The following NR5A2 variants were observed in gnomAD, a reference collection of about 807,000 sequenced individuals.
NR5A2 encodes nuclear receptor subfamily 5 group A member 2.
NR5A2 carries 26 observed loss-of-function variants against 62.7 expected under a neutral mutation model. The observed-to-expected ratio is 0.41, with a 90% CI of 0.30 to 0.58. NR5A2 has a LOEUF of 0.58. NR5A2 is among the 20% of genes least tolerant of loss of function. The pLI is 0.22. For missense variants in NR5A2, 541 were observed against 669.1 expected, an observed-to-expected ratio of 0.81 and a Z score of 2.11; for synonymous variants, 246 against 241.7, an observed-to-expected ratio of 1.02 and a Z score of -0.16.
chr1:200,034,966 G>A (rs1273019387), intron 1 of NR5A2, among the ~76,000 whole-genome samples: 1 of 152,026 alleles, frequency 6.6e-6, no homozygotes, highest in East Asian at 1.9e-4. Context: ...GAGCCTACGG[G>A]CGTGGGCGGG....
intron 5 of NR5A2, among the ~76,000 whole-genome samples, chr1:200,062,227 T>TTG (rs6143563): frequency 0.42 from 60,631 of 145,648 alleles, 14,377 homozygotes; most frequent in East Asian, 0.63. Context: ...CTGGCAGATT[T>TTG]TGTGTGTGTG....
At chr1:200,162,780 C>CAGGTAGAT (rs1447043040) in intron 7 of NR5A2, among the ~76,000 whole-genome samples, 2 of 152,098 alleles carry the variant, frequency 1.3e-5, no homozygotes, top group African/African-American at 4.8e-5. Flanking sequence ...CTTGAAATCC[C>CAGGTAGAT]AGGTAGATAT....
At chr1:200,106,274 G>T (rs1665661472) in intron 5 of NR5A2, among the ~76,000 whole-genome samples, 1 of 152,044 alleles carries the variant, frequency 6.6e-6, no homozygotes, top group South Asian at 2.1e-4. Context: ...GGCCAGGCTG[G>T]TCTCGAACTC....
rs3838437 is a variant in NR5A2, at chr1:200,130,610, TA to T, written c.1378+9657del. ...AAATTTATGCTTATTAATTCTGAAA[TA>T]AGCATTATAGTCTAAACATCATAAA... On this transcript the variant is annotated intron_variant, in intron 7 of 7. Coordinates refer to ENST00000367362, the MANE Select transcript of NR5A2 (RefSeq NM_205860.3). 6.4e-4 allele frequency among the ~76,000 whole-genome samples: 98 copies of T among 152,370 alleles called. No homozygotes were observed. The East Asian group carries it at 0.018, about 29-fold the overall frequency.
Position 200,039,016 on chromosome 1 carries a change from CT to C in NR5A2, c.65-641del, listed in dbSNP as rs1189169677. Among the ~76,000 whole-genome samples, 5 of 152,040 alleles carry C rather than the reference CT, an allele frequency of 3.3e-5. No homozygotes were observed. In the East Asian group the frequency reaches 7.8e-4, roughly 24 times the overall value. On this transcript the variant is annotated intron_variant, in intron 1 of 7. Transcript: ENST00000367362. The surrounding 1 kb of genome is among the most constrained non-coding windows in gnomAD (Gnocchi z 5.1). ...CTCCTTCTCCCCCTCGTCTTCCCCC[CT>C]GTCCTTCCCAGCACCGTCACCCTCG... is the stretch of plus-strand genomic sequence containing the variant.
chr1:200,164,638 C>T (rs1653808567), intron 7 of NR5A2, among the ~76,000 whole-genome samples: 1 of 150,938 alleles, frequency 6.6e-6, no homozygotes, highest in Non-Finnish European at 1.5e-5. Context: ...ACCTCCACCT[C>T]GTGGGTTCAA....
chr1:200,081,932 C>T (rs1205369110), intron 5 of NR5A2, among the ~76,000 whole-genome samples: 1 of 152,008 alleles, frequency 6.6e-6, no homozygotes, highest in East Asian at 1.9e-4. Flanking sequence ...TTCTGTTCTA[C>T]TGACTTAATT....
intron 7 of NR5A2, among the ~76,000 whole-genome samples, chr1:200,162,996 G>A (rs1049550415): frequency 3.9e-5 from 6 of 152,134 alleles, no homozygotes; most frequent in African/African-American, 1.4e-4. Context: ...TTCCACATGG[G>A]TCACTGAGTG....
At chr1:200,142,876 T>G (rs750893963) in intron 7 of NR5A2, among the ~76,000 whole-genome samples, 2 of 152,226 alleles carry the variant, frequency 1.3e-5, no homozygotes, top group Non-Finnish European at 2.9e-5. Context: ...AGATGAATAA[T>G]ATCTCTATTT....
At chr1:200,113,549 C>A (rs1666061698) in intron 6 of NR5A2, among the ~76,000 whole-genome samples, 1 of 152,206 alleles carries the variant, frequency 6.6e-6, no homozygotes, top group African/African-American at 2.4e-5. Context: ...AGACAGATAT[C>A]TTAAAGCAGG....
intron 5 of NR5A2, among the ~76,000 whole-genome samples, chr1:200,092,649 G>T (rs1013574973): frequency 1.3e-5 from 2 of 151,852 alleles, no homozygotes; most frequent in Non-Finnish European, 2.9e-5. Context: ...CCTCATTTGG[G>T]TGGCCCTTTT....
In NR5A2 at chr1:200,175,901, A is replaced by G. The variant is rs570442804; in HGVS notation, c.*1691A>G. ...TTTTCATAAATATTTCTGGCTTTTGAGTAGTGTATTTATATTGTATATCAT... is the reference window on the plus strand; with the variant it reads ...TTTTCATAAATATTTCTGGCTTTTGGGTAGTGTATTTATATTGTATATCAT... On this transcript the variant is annotated 3_prime_UTR_variant, in exon 8 of 8. Transcript: ENST00000367362. 3.3e-5 allele frequency: 5 copies of G among 152,702 alleles called. No individual in the cohort carries two copies. Among genetic ancestry groups the G allele is most frequent in the Middle Eastern group, 3.4e-3 (1 of 294 alleles). The allele number at this position is 152,702 out of a possible 1,614,324, so 9.5% of individuals were successfully genotyped here.
chr1:200,044,112 T>C, intron 3 of NR5A2: 1 of 408,802 alleles, frequency 2.4e-6, no homozygotes, highest in Non-Finnish European at 4.3e-6. Context: ...GCCAGTCTCA[T>C]GGTTCTAAAA....
In NR5A2 at chr1:200,107,290, A is replaced by G. The variant is rs141931864; in HGVS notation, c.1111-3912A>G. Among the ~76,000 whole-genome samples the G allele has an allele frequency of 3.9e-3, 517 of 133,818 alleles. 3 individuals are homozygous for G. The highest frequency in any genetic ancestry group is 0.014 in the African/African-American group (501 of 35,190). The allele number at this position is 133,818 out of a possible 152,430, so 87.8% of individuals were successfully genotyped here. A position where few individuals can be genotyped will look rare whatever the true frequency, so the allele number is the denominator to read the frequency against. On this transcript the variant is annotated intron_variant, in intron 5 of 7. Coordinates refer to ENST00000367362, the MANE Select transcript of NR5A2 (RefSeq NM_205860.3). ...TCATTTGTTCCTTCATTTAGCAAGCATTTATTAAGTGGCTTTTTTTTTTTT... is the reference window on the plus strand; with the variant it reads ...TCATTTGTTCCTTCATTTAGCAAGCGTTTATTAAGTGGCTTTTTTTTTTTT...
At chr1:200,098,965 A>T (rs1489335420) in intron 5 of NR5A2, among the ~76,000 whole-genome samples, 1 of 152,258 alleles carries the variant, frequency 6.6e-6, no homozygotes, top group Non-Finnish European at 1.5e-5. Flanking sequence ...GTTTAGGGCC[A>T]AACTTCGACT....
intron 5 of NR5A2, among the ~76,000 whole-genome samples, chr1:200,102,252 C>A (rs1001884841): frequency 5.9e-5 from 9 of 152,166 alleles, no homozygotes; most frequent in Non-Finnish European, 4.4e-5. Flanking sequence ...TAATACAAAT[C>A]GCACCATTCC....
chr1:200,094,792 A>G lies in NR5A2; in HGVS notation c.1111-16410A>G, dbSNP rs192446979. Among the ~76,000 whole-genome samples, 164 of 151,972 alleles carry G rather than the reference A, an allele frequency of 1.1e-3. 1 individual carries two copies. In the East Asian group the frequency reaches 0.029, roughly 27 times the overall value. ...TGTGATCTGCCCGCCTCGGCCTCCC[A>G]AAGTGCTGGGATTACAGGCGTGAGC... is the stretch of plus-strand genomic sequence containing the variant. On this transcript the variant is annotated intron_variant, in intron 5 of 7. Transcript: ENST00000367362.
At position 200,039,340 on chromosome 1, in the gene NR5A2, C is replaced by A. The variant is rs1661937533; in HGVS notation, c.65-318C>A. ...GCAGCCCCGCGGTCGCCTCCGCTGC[C>A]CGCCGGGAGCTCGGCGGTTCACGGC... On this transcript the variant is annotated intron_variant, in intron 1 of 7. Transcript: ENST00000367362. The surrounding 1 kb of genome is among the most constrained non-coding windows in gnomAD (Gnocchi z 5.1). 6.6e-6 allele frequency among the ~76,000 whole-genome samples: 1 copy of A among 152,094 alleles called. No individual in the cohort carries two copies. Among genetic ancestry groups the A allele is most frequent in the Non-Finnish European group, 1.5e-5 (1 of 67,994 alleles).
At position 200,105,957 on chromosome 1, in the gene NR5A2, A is replaced by G. The variant is rs184831040; in HGVS notation, c.1111-5245A>G. Among the ~76,000 whole-genome samples, 397 of 152,238 alleles carry G rather than the reference A, an allele frequency of 2.6e-3. 1 individual carries two copies. Among genetic ancestry groups the G allele is most frequent in the African/African-American group, 9.4e-3 (390 of 41,532 alleles). On this transcript the variant is annotated intron_variant, in intron 5 of 7. Coordinates refer to ENST00000367362, the MANE Select transcript of NR5A2 (RefSeq NM_205860.3). ...AAAATAACAGCTCACTTGCTGGACT[A>G]TTAAAAGGGAAATGGGAGGGGGCCG...
Sources: gnomAD v4.1 joint callset for allele counts (sites outside exome capture counted in the v4.1 genomes callset) on GRCh38, gnomAD v4.1.1 for gene constraint, Gnocchi (gnomAD v3.1) non-coding constraint, MANE v1.5 for transcripts, NCBI Gene and HGNC (gene_info 2026-07-23, HGNC 2026-07-21) for gene names.